Variants in IQCE observed in about 807,000 individuals in gnomAD.
The protein encoded by IQCE is IQ motif containing E.
IQCE carries 115 observed loss-of-function variants against 96.0 expected under a neutral mutation model. The ratio of observed to expected loss-of-function variants is 1.20; its 90% CI spans 1.03 to 1.40. IQCE has a LOEUF of 1.40. Among genes scored for constraint, IQCE ranks in the 40% most tolerant of loss-of-function variants. IQCE has a pLI of 0.00. For synonymous variants in IQCE, 412 were observed against 371.2 expected, an observed-to-expected ratio of 1.11 and a Z score of -1.26; for missense variants, 1,041 against 909.1, an observed-to-expected ratio of 1.15 and a Z score of -1.87.
chr7:2,589,811 C>A, intron 13 of IQCE, 96 bp from the exon 14 acceptor site: 2 of 1,222,570 alleles, frequency 1.6e-6, no homozygotes, highest in Non-Finnish European at 2.4e-6. Flanking sequence ...CTGCTGGAGA[C>A]TCAGTTTGCC....
chr7:2,567,478 G>T (rs1781464774), intron 2 of IQCE, among the ~76,000 whole-genome samples: 1 of 152,200 alleles, frequency 6.6e-6, no homozygotes, highest in African/African-American at 2.4e-5. Flanking sequence ...GAGGAGGAGA[G>T]CCCCTGCTAA....
intron 16 of IQCE, 68 bp from the exon 17 acceptor site, chr7:2,598,397 C>A: frequency 7.0e-7 from 1 of 1,432,572 alleles, no homozygotes; most frequent in Non-Finnish European, 9.4e-7. Flanking sequence ...AATATCCTGT[C>A]CCCTTGCCGG....
At chr7:2,589,359 C>CA (rs796240974) in intron 13 of IQCE, among the ~76,000 whole-genome samples, 17 of 149,470 alleles carry the variant, frequency 1.1e-4, no homozygotes, top group South Asian at 4.2e-4. Flanking sequence ...GACCCCGTCT[C>CA]AAAAAAAAAG....
intron 7 of IQCE, 22 bp from the exon 8 acceptor site, chr7:2,578,454 T>A (rs755036854): frequency 1.2e-6 from 2 of 1,614,126 alleles, no homozygotes; most frequent in Non-Finnish European, 1.7e-6. Flanking sequence ...GCCGTCTTCA[T>A]GTCTCAATCT....
At chr7:2,603,049 T>C (rs1784542437) in intron 18 of IQCE, among the ~76,000 whole-genome samples, 1 of 152,144 alleles carries the variant, frequency 6.6e-6, no homozygotes. Context: ...TCCTGGTCCC[T>C]AGACCTGCCC....
At chr7:2,590,935 T>C (rs1783536249) in intron 14 of IQCE, among the ~76,000 whole-genome samples, 1 of 151,886 alleles carries the variant, frequency 6.6e-6, no homozygotes, top group African/African-American at 2.4e-5. Flanking sequence ...GGGGATATGA[T>C]CTATTAATAC....
chr7:2,584,676 G>T, intron 11 of IQCE: 1 of 192,298 alleles, frequency 5.2e-6, no homozygotes, highest in Non-Finnish European at 1.1e-5. Context: ...AAACACCGAG[G>T]TTCTCCTTGT....
chr7:2,610,217 C>T lies in IQCE; in HGVS notation c.*55C>T. On this transcript the variant is annotated 3_prime_UTR_variant, in exon 22 of 22. Coordinates refer to ENST00000402050, the MANE Select transcript of IQCE (RefSeq NM_152558.5). ...GCAGCGCTGCCGAGGACATAGGAAC[C>T]ACGACTGGAAAGATAATTTATCGTG... 3.0e-6 allele frequency: 3 copies of T among 1,002,708 alleles called. No homozygotes were observed. Among genetic ancestry groups the T allele is most frequent in the Non-Finnish European group, 4.8e-6 (3 of 622,206 alleles). 62.1% of individuals were successfully genotyped at this position (1,002,708 alleles called of 1,614,324 possible). A position where few individuals can be genotyped will look rare whatever the true frequency, so the allele number is the denominator to read the frequency against.
At chr7:2,608,253 C>T (rs1215765306) in intron 21 of IQCE, among the ~76,000 whole-genome samples, 2 of 152,160 alleles carry the variant, frequency 1.3e-5, no homozygotes, top group East Asian at 1.9e-4. Flanking sequence ...CTGGGAGATC[C>T]CTCCTGTGCT....
intron 17 of IQCE, among the ~76,000 whole-genome samples, chr7:2,599,645 C>T (rs1784300128): frequency 6.6e-6 from 1 of 151,976 alleles, no homozygotes. Flanking sequence ...TACAGGCAGG[C>T]ACCACCACAC....
rs1288282855 is a variant in IQCE, at chr7:2,611,883, A to G, written c.*1721A>G. On this transcript the variant is annotated 3_prime_UTR_variant, in exon 22 of 22. Transcript: ENST00000402050. ...GGCTGGTAACTTGATGGACTGTGTA[A>G]CTGACACAGGCCCTCTTTAGACCCC... is the stretch of plus-strand genomic sequence containing the variant. 1 of 151,988 alleles carries G rather than the reference A, an allele frequency of 6.6e-6. No individual in the cohort carries two copies. Among genetic ancestry groups the G allele is most frequent in the Non-Finnish European group, 1.5e-5 (1 of 68,002 alleles). The allele number at this position is 151,988 out of a possible 1,614,324, so 9.4% of individuals were successfully genotyped here.
intron 17 of IQCE, among the ~76,000 whole-genome samples, chr7:2,600,182 G>A (rs1241885054): frequency 1.3e-5 from 2 of 151,776 alleles, no homozygotes; most frequent in African/African-American, 4.8e-5. Context: ...CTGTTTCCTT[G>A]TGGGGTCATA....
chr7:2,561,506 C>T (rs888699853), intron 1 of IQCE, among the ~76,000 whole-genome samples: 108 of 150,674 alleles, frequency 7.2e-4, no homozygotes, highest in Middle Eastern at 3.4e-3. Context: ...CTGCAAGCTC[C>T]GCCTCCCGGG....
At chr7:2,575,181 C>G (rs1456794622) in intron 6 of IQCE, among the ~76,000 whole-genome samples, 1 of 152,260 alleles carries the variant, frequency 6.6e-6, no homozygotes, top group African/African-American at 2.4e-5. Context: ...TCGCGAGACT[C>G]TGACTCTTGC....
At chr7:2,598,964 C>T in intron 17 of IQCE, among the ~76,000 whole-genome samples, 1 of 152,228 alleles carries the variant, frequency 6.6e-6, no homozygotes, top group East Asian at 1.9e-4. Context: ...CGTGACTGCA[C>T]CTAGGGCTGC....
rs1781315306 is a variant in IQCE at position 2,565,627 on chromosome 7, G to A, written c.37-1489G>A. Among the ~76,000 whole-genome samples, 4 of 152,222 alleles carry A rather than the reference G, an allele frequency of 2.6e-5. No individual in the cohort carries two copies. The South Asian group carries it at 8.3e-4, about 32-fold the overall frequency. On this transcript the variant is annotated intron_variant, in intron 1 of 21. Coordinates refer to ENST00000402050, the MANE Select transcript of IQCE (RefSeq NM_152558.5). Reference sequence around the variant, plus strand: ...GCAGGCACGTCCTTGTGATGCCCAGGGCTGACTTGGCTTTTCTGATCCCCC... The same window carrying A: ...GCAGGCACGTCCTTGTGATGCCCAGAGCTGACTTGGCTTTTCTGATCCCCC...
chr7:2,582,446 G>A lies in IQCE; in HGVS notation c.631-134G>A, dbSNP rs558090126. 1.8e-4 allele frequency: 130 copies of A among 739,848 alleles called. 1 individual carries two copies. The highest frequency in any genetic ancestry group is 2.7e-4 in the Middle Eastern group (1 of 3,714). 45.8% of individuals were successfully genotyped at this position (739,848 alleles called of 1,614,324 possible). On this transcript the variant is annotated intron_variant, in intron 8 of 21. Transcript: ENST00000402050. ...GGGGCCCTCCCTCTTCCCTGGGCCC[G>A]TAGTCTAGAAGAGAGCACAGCGCTG...
intron 15 of IQCE, 45 bp downstream of exon 15, chr7:2,593,171 C>A: frequency 6.4e-7 from 1 of 1,569,224 alleles, no homozygotes; most frequent in Non-Finnish European, 8.7e-7. Flanking sequence ...GGCGAGTCCG[C>A]ACTCCTGCTA....
chr7:2,605,374 A>G (rs1784728575), intron 19 of IQCE, among the ~76,000 whole-genome samples: 2 of 152,074 alleles, frequency 1.3e-5, no homozygotes. Context: ...TAATCCCAGC[A>G]CTTTTGGAGG....
Sources: allele counts gnomAD v4.1 joint callset (sites outside exome capture counted in the v4.1 genomes callset), GRCh38; gene constraint gnomAD v4.1.1; transcripts MANE v1.5; gene names NCBI Gene and HGNC (gene_info 2026-07-23, HGNC 2026-07-21).